PREX2: variants seen among roughly 807,000 people sequenced by gnomAD.
The protein encoded by PREX2 is phosphatidylinositol-3,4,5-trisphosphate dependent Rac exchange factor 2.
Under a neutral mutation model 203.2 loss-of-function variants are expected in PREX2, and 107 were observed. The observed-to-expected ratio is 0.53, with a 90% CI of 0.45 to 0.62. The LOEUF (loss-of-function observed/expected upper bound fraction) is 0.62, where lower values mean the gene tolerates loss of function less well. PREX2 is among the 20% of genes least tolerant of loss of function. PREX2 has a pLI of 0.00. For missense variants in PREX2, 1,777 were observed against 1,955.9 expected, an observed-to-expected ratio of 0.91 and a Z score of 1.72; for synonymous variants, 672 against 663.6, an observed-to-expected ratio of 1.01 and a Z score of -0.19.
rs1321410834 is a variant in PREX2, at chr8:68,160,177, C to A, written c.4346+2741C>A. Among the ~76,000 whole-genome samples, 6 of 152,250 alleles carry A rather than the reference C, an allele frequency of 3.9e-5. No individual in the cohort carries two copies. In the East Asian group the frequency reaches 9.7e-4, roughly 25 times the overall value. Reference sequence around the variant, plus strand: ...TTTTTTCTTAGTCCAATGGTATGATCTCCAAGTAATCAGAAACCTATATTC... The same window carrying A: ...TTTTTTCTTAGTCCAATGGTATGATATCCAAGTAATCAGAAACCTATATTC... On this transcript the variant is annotated intron_variant, in intron 35 of 39. Coordinates refer to ENST00000288368, the MANE Select transcript of PREX2 (RefSeq NM_024870.4).
intron 23 of PREX2, among the ~76,000 whole-genome samples, chr8:68,101,119 G>A (rs185722665): frequency 4.6e-5 from 7 of 152,112 alleles, no homozygotes; most frequent in East Asian, 1.9e-4. Flanking sequence ...TGGTGCAGCC[G>A]TACTAGATAA....
chr8:68,076,432 G>A (rs1361968819), intron 14 of PREX2, among the ~76,000 whole-genome samples: 1 of 151,926 alleles, frequency 6.6e-6, no homozygotes, highest in South Asian at 2.1e-4. Context: ...ATTCCAGCCT[G>A]AGCGACAGAG....
At chr8:68,113,829 G>C (rs542517071) in intron 25 of PREX2, among the ~76,000 whole-genome samples, 1 of 152,174 alleles carries the variant, frequency 6.6e-6, no homozygotes, top group South Asian at 2.1e-4. Flanking sequence ...CAAGAAGGCA[G>C]GGGCTTTTGT....
chr8:68,228,962 A>G (rs868160589), intron 39 of PREX2, among the ~76,000 whole-genome samples: 1,777 of 128,416 alleles, frequency 0.014, 46 homozygotes, highest in African/African-American at 0.049. Context: ...AAAAAAAAAA[A>G]AAAAAGAAAG....
intron 1 of PREX2, among the ~76,000 whole-genome samples, chr8:67,958,632 A>C (rs1222918176): frequency 1.3e-5 from 2 of 152,204 alleles, no homozygotes; most frequent in Non-Finnish European, 2.9e-5. Flanking sequence ...CTGGGGTAGA[A>C]GCATTGGAAA....
chr8:68,191,902 G>A, intron 36 of PREX2, 114 bp downstream of exon 36: 2 of 690,130 alleles, frequency 2.9e-6, no homozygotes, highest in African/African-American at 1.8e-5. Context: ...TCTAAGTAGG[G>A]AGCTAGTCTG....
At chr8:68,198,429 G>A (rs1372778039) in intron 37 of PREX2, among the ~76,000 whole-genome samples, 1 of 152,110 alleles carries the variant, frequency 6.6e-6, no homozygotes, top group Non-Finnish European at 1.5e-5. Flanking sequence ...TTGTACCCAT[G>A]CCAGTTATTG....
chr8:68,190,310 C>A lies in PREX2; in HGVS notation c.4347-1412C>A, dbSNP rs1475184219. 2.6e-5 allele frequency among the ~76,000 whole-genome samples: 4 copies of A among 152,000 alleles called. No individual in the cohort carries two copies. The East Asian group carries it at 5.8e-4, about 22-fold the overall frequency. ...CATTCTAGAAATGTGAAGTTTGTCACCTCATCAAAAATAGATACTAGATGG... is the reference window on the plus strand; with the variant it reads ...CATTCTAGAAATGTGAAGTTTGTCAACTCATCAAAAATAGATACTAGATGG... On this transcript the variant is annotated intron_variant, in intron 35 of 39. Coordinates refer to ENST00000288368, the MANE Select transcript of PREX2 (RefSeq NM_024870.4).
intron 32 of PREX2, among the ~76,000 whole-genome samples, chr8:68,136,233 G>T (rs1811109999): frequency 6.6e-6 from 1 of 152,110 alleles, no homozygotes; most frequent in South Asian, 2.1e-4. Flanking sequence ...TTTACAGTAT[G>T]TGAGTTATAT....
chr8:67,999,086 T>A (rs1210384872), intron 1 of PREX2, among the ~76,000 whole-genome samples: 3 of 152,150 alleles, frequency 2.0e-5, no homozygotes, highest in African/African-American at 7.2e-5. Context: ...TGGGTAAAGC[T>A]TTTAAAAATA....
intron 13 of PREX2, 24 bp downstream of exon 13, chr8:68,069,908 G>A (rs1171541142): frequency 4.3e-6 from 6 of 1,381,924 alleles, no homozygotes; most frequent in South Asian, 1.3e-5. Context: ...TTAAGTTCTG[G>A]GAAACTTAAA....
intron 11 of PREX2, among the ~76,000 whole-genome samples, chr8:68,067,532 T>A (rs1245051376): frequency 6.6e-6 from 1 of 152,066 alleles, no homozygotes; most frequent in Non-Finnish European, 1.5e-5. Context: ...TAACATTTCT[T>A]TTTTCCATAG....
intron 35 of PREX2, among the ~76,000 whole-genome samples, chr8:68,158,682 C>T (rs1010603845): frequency 1.3e-5 from 2 of 152,132 alleles, no homozygotes; most frequent in African/African-American, 4.8e-5. Flanking sequence ...GAGATAAATA[C>T]ATAGCGCAAA....
At chr8:68,000,157 A>G (rs10957407) in intron 1 of PREX2, among the ~76,000 whole-genome samples, 87,336 of 152,046 alleles carry the variant, frequency 0.57, 25,377 homozygotes, top group South Asian at 0.66. Flanking sequence ...AAGTCAAACT[A>G]TCCCTATTTG....
chr8:68,044,468 G>T lies in PREX2; in HGVS notation c.840-19G>T. On this transcript the variant is annotated intron_variant, in intron 7 of 39. Coordinates refer to ENST00000288368, the MANE Select transcript of PREX2 (RefSeq NM_024870.4). ...CATTGTTTAGTAACAAAGTCTTTGT[G>T]ATTTAATTCCATCTTAAGACGGTTG... The T allele has an allele frequency of 1.3e-6, 2 of 1,550,450 alleles. No homozygotes were observed. The highest frequency in any genetic ancestry group is 2.7e-5 in the African/African-American group (2 of 73,648).
At chr8:68,096,950 C>A in intron 21 of PREX2, 67 bp from the exon 22 acceptor site, 1 of 1,347,772 alleles carries the variant, frequency 7.4e-7, no homozygotes, top group Non-Finnish European at 1.0e-6. Context: ...TAAAGAGACA[C>A]AAAATTATTT....
intron 37 of PREX2, among the ~76,000 whole-genome samples, chr8:68,201,857 G>A (rs891862735): frequency 2.0e-5 from 3 of 151,706 alleles, no homozygotes; most frequent in Non-Finnish European, 4.4e-5. Flanking sequence ...AGAGTATAGA[G>A]GGGTGAGATT....
chr8:68,041,877 A>G (rs1432643934), intron 7 of PREX2, among the ~76,000 whole-genome samples: 1 of 152,076 alleles, frequency 6.6e-6, no homozygotes, highest in Non-Finnish European at 1.5e-5. Context: ...ACAAATCATG[A>G]TATTATATGG....
In PREX2 at chr8:68,115,862, T is replaced by A; in HGVS notation, c.3256T>A (p.Cys1086Ser). 1 of 1,614,018 alleles carries A rather than the reference T, an allele frequency of 6.2e-7. No individual in the cohort carries two copies. Among genetic ancestry groups the A allele is most frequent in the East Asian group, 2.2e-5 (1 of 44,850 alleles). The change falls in exon 26 of 40, where the codon TGT (cysteine) becomes AGT (serine). Residue 1086 changes from cysteine to serine, a missense_variant. Cys to Ser is a moderately radical substitution (Grantham distance 112). Transcript: ENST00000288368. ...EKGERNSKRV[C>S]FNVAGDEQED... ...GGGAGAAAGAAACAGCAAACGGGTA[T>A]GTTTTAATGTAGCAGGAGATGAACA... is the stretch of plus-strand genomic sequence containing the variant.
Sources: allele counts gnomAD v4.1 joint callset (sites outside exome capture counted in the v4.1 genomes callset), GRCh38; gene constraint gnomAD v4.1.1; transcripts MANE v1.5; gene names NCBI Gene and HGNC (gene_info 2026-07-23, HGNC 2026-07-21).